APBA1: variants seen among roughly 807,000 people sequenced by gnomAD.
APBA1 encodes the protein amyloid-beta A4 precursor protein-binding family A member 1.
Under a neutral mutation model 86.6 loss-of-function variants are expected in APBA1, and 55 were observed. The ratio of observed to expected loss-of-function variants is 0.64; its 90% CI spans 0.51 to 0.80. The LOEUF (loss-of-function observed/expected upper bound fraction) is 0.80, where lower values mean the gene tolerates loss of function less well. Ranked by LOEUF, APBA1 falls within the 30% of genes least tolerant of loss-of-function variation. The pLI, the probability that APBA1 is intolerant of heterozygous loss-of-function variation, is 0.00. For synonymous variants in APBA1, 511 were observed against 493.9 expected (o/e 1.03, Z -0.46); for missense variants, 1,090 against 1,183.0 (o/e 0.92, Z 1.15).
intron 2 of APBA1, among the ~76,000 whole-genome samples, chr9:69,511,412 G>T (rs1836037349): frequency 6.6e-6 from 1 of 152,136 alleles, no homozygotes. Flanking sequence ...TCACTAAAAA[G>T]TCAGGAAACA....
chr9:69,444,909 G>C (rs757544425), intron 10 of APBA1, among the ~76,000 whole-genome samples: 1 of 152,164 alleles, frequency 6.6e-6, no homozygotes, highest in East Asian at 1.9e-4. Flanking sequence ...GAGCCCAGAG[G>C]GGGCTGGAGT....
At chr9:69,445,185 GT>G in intron 10 of APBA1, among the ~76,000 whole-genome samples, 1 of 152,288 alleles carries the variant, frequency 6.6e-6, no homozygotes, top group South Asian at 2.1e-4. Flanking sequence ...GCTCTGGTGG[GT>G]TCTTTCCGGT....
intron 1 of APBA1, among the ~76,000 whole-genome samples, chr9:69,670,899 G>A (rs1031135700): frequency 6.6e-6 from 1 of 152,178 alleles, no homozygotes; most frequent in South Asian, 2.1e-4. Context: ...AGCTGGGAGA[G>A]TGGATGTCAC....
At position 69,660,564 on chromosome 9, in the gene APBA1, T is replaced by G. The variant is rs550637429; in HGVS notation, c.-70+11589A>C. Among the ~76,000 whole-genome samples, 11 of 152,322 alleles carry G rather than the reference T, an allele frequency of 7.2e-5. No individual in the cohort carries two copies. The South Asian group carries it at 2.3e-3, about 32-fold the overall frequency. On this transcript the variant is annotated intron_variant, in intron 1 of 12. Coordinates refer to ENST00000265381, the MANE Select transcript of APBA1 (RefSeq NM_001163.4). The stretch of plus-strand genomic sequence containing the variant: ...CCTGACATTCTTTTCCTTTTATGGT[T>G]AATAACAGAGGGGGGAAATACTTTA...
chr9:69,519,709 C>A (rs1836222508), intron 1 of APBA1, among the ~76,000 whole-genome samples: 1 of 152,188 alleles, frequency 6.6e-6, no homozygotes, highest in African/African-American at 2.4e-5. Context: ...ACCAACAATT[C>A]ATGATAACCA....
At chr9:69,481,425 A>C (rs992756542) in intron 2 of APBA1, among the ~76,000 whole-genome samples, 1 of 152,046 alleles carries the variant, frequency 6.6e-6, no homozygotes, top group Non-Finnish European at 1.5e-5. Flanking sequence ...GATATGAAGG[A>C]CCTCTTCAAG....
At chr9:69,441,480 T>G (rs1228845919) in intron 10 of APBA1, among the ~76,000 whole-genome samples, 1 of 152,100 alleles carries the variant, frequency 6.6e-6, no homozygotes, top group Non-Finnish European at 1.5e-5. Context: ...GCACACTATT[T>G]CCCCCAGCCA....
At chr9:69,595,295 T>C (rs1261158948) in intron 1 of APBA1, among the ~76,000 whole-genome samples, 1 of 152,202 alleles carries the variant, frequency 6.6e-6, no homozygotes, top group Non-Finnish European at 1.5e-5. Flanking sequence ...ACTTATCTTC[T>C]AGTTTAGTTT....
At chr9:69,649,136 C>T (rs532130269) in intron 1 of APBA1, among the ~76,000 whole-genome samples, 1 of 152,306 alleles carries the variant, frequency 6.6e-6, no homozygotes, top group Non-Finnish European at 1.5e-5. Context: ...CATTCCAAAC[C>T]ATCACCTCCC....
intron 1 of APBA1, among the ~76,000 whole-genome samples, chr9:69,534,786 T>G (rs1206805317): frequency 6.6e-6 from 1 of 152,192 alleles, no homozygotes; most frequent in African/African-American, 2.4e-5. Flanking sequence ...GTTACTTCCA[T>G]AACTCTATAC....
chr9:69,489,203 G>T (rs1391472837), intron 2 of APBA1, among the ~76,000 whole-genome samples: 1 of 152,098 alleles, frequency 6.6e-6, no homozygotes, highest in Non-Finnish European at 1.5e-5. Flanking sequence ...AAAGCTGGAG[G>T]CATCACACTA....
intron 11 of APBA1, among the ~76,000 whole-genome samples, chr9:69,436,728 T>A (rs529747700): frequency 0.057 from 8,593 of 151,838 alleles, 824 homozygotes; most frequent in African/African-American, 0.2. Context: ...CAAACAGGGA[T>A]AATTTGACTT....
At chr9:69,657,175 A>C (rs900565074) in intron 1 of APBA1, among the ~76,000 whole-genome samples, 2 of 152,200 alleles carry the variant, frequency 1.3e-5, no homozygotes, top group African/African-American at 4.8e-5. Flanking sequence ...CCTGCCTAAA[A>C]TTTTATTCCC....
intron 1 of APBA1, among the ~76,000 whole-genome samples, chr9:69,539,248 C>T (rs1367137677): frequency 6.6e-6 from 1 of 152,190 alleles, no homozygotes; most frequent in Non-Finnish European, 1.5e-5. Context: ...CCCTGAGCTC[C>T]TTTAGACATA....
upstream of APBA1, among the ~76,000 whole-genome samples, chr9:69,672,509 C>G (rs927672405): frequency 2.0e-5 from 3 of 147,400 alleles, no homozygotes; most frequent in Admixed American, 2.0e-4. Context: ...GCTAGTAGCG[C>G]CCCTGCCTCC....
intron 1 of APBA1, among the ~76,000 whole-genome samples, chr9:69,561,664 G>A (rs1012383447): frequency 3.3e-5 from 5 of 149,498 alleles, no homozygotes; most frequent in Non-Finnish European, 5.9e-5. Flanking sequence ...GAGACTCACT[G>A]TGTTGCCCAG....
chr9:69,634,968 T>C (rs1211756865), intron 1 of APBA1, among the ~76,000 whole-genome samples: 1 of 151,942 alleles, frequency 6.6e-6, no homozygotes, highest in East Asian at 1.9e-4. Context: ...CTATAAGAAA[T>C]GATAAAGAAA....
intron 11 of APBA1, among the ~76,000 whole-genome samples, chr9:69,439,700 G>C (rs1834774184): frequency 6.6e-6 from 1 of 151,994 alleles, no homozygotes; most frequent in Non-Finnish European, 1.5e-5. Flanking sequence ...TTTTTTCAAA[G>C]TTTTTCACTT....
chr9:69,474,055 G>A (rs918389286), intron 3 of APBA1, among the ~76,000 whole-genome samples: 1 of 151,142 alleles, frequency 6.6e-6, no homozygotes, highest in African/African-American at 2.5e-5. Flanking sequence ...TGTGGACTGA[G>A]ATGAACATCA....
Sources: gnomAD v4.1 joint callset for allele counts (sites outside exome capture counted in the v4.1 genomes callset) on GRCh38, gnomAD v4.1.1 for gene constraint, MANE v1.5 for transcripts, NCBI Gene and HGNC (gene_info 2026-07-23, HGNC 2026-07-21) for gene names.